Variants in IL1RAPL2 observed in about 807,000 individuals in gnomAD.
The protein encoded by IL1RAPL2 is X-linked interleukin-1 receptor accessory protein-like 2.
IL1RAPL2 carries 3 observed loss-of-function variants against 44.1 expected under a neutral mutation model. The ratio of observed to expected loss-of-function variants is 0.07; its 90% CI spans 0.03 to 0.18. The LOEUF (loss-of-function observed/expected upper bound fraction) is 0.18. Ranked by LOEUF, IL1RAPL2 falls within the 10% of genes least tolerant of loss-of-function variation. IL1RAPL2 has a pLI of 1.00. For missense variants in IL1RAPL2, 391 were observed against 496.4 expected (o/e 0.79, Z 2.02); for synonymous variants, 181 against 178.8 (o/e 1.01, Z -0.10).
chrX:105,101,126 C>A (rs1019648244), intron 2 of IL1RAPL2, among the ~76,000 whole-genome samples: 1 of 111,797 alleles, frequency 8.9e-6, no homozygotes, highest in East Asian at 2.8e-4. Context: ...GAACAACTCC[C>A]GATTCCTCTC....
At chrX:105,685,446 G>T (rs2037962874) in intron 6 of IL1RAPL2, among the ~76,000 whole-genome samples, 1 of 111,781 alleles carries the variant, frequency 8.9e-6, no homozygotes, top group African/African-American at 3.3e-5. Flanking sequence ...TAGAAGAAAG[G>T]TTATCAGTGA....
chrX:104,624,358 TA>T (rs780975467), intron 1 of IL1RAPL2, among the ~76,000 whole-genome samples: 1 of 110,696 alleles, frequency 9.0e-6, no homozygotes, highest in Non-Finnish European at 1.9e-5. Flanking sequence ...TACAAATCAT[TA>T]AAAAAAATCT....
chrX:105,001,121 C>T (rs1461925947), intron 2 of IL1RAPL2, among the ~76,000 whole-genome samples: 2 of 111,184 alleles, frequency 1.8e-5, no homozygotes, highest in East Asian at 2.9e-4. Context: ...TTTCGTTTAC[C>T]ACCACTTGCT....
chrX:105,598,077 T>C (rs899969848), intron 6 of IL1RAPL2, among the ~76,000 whole-genome samples: 2 of 111,004 alleles, frequency 1.8e-5, no homozygotes, highest in Non-Finnish European at 3.8e-5. Context: ...GGCAAATGGC[T>C]GAATAAAGAT....
At position 105,740,295 on chromosome X, in the gene IL1RAPL2, C is replaced by T. The variant is rs920379671; in HGVS notation, c.903-251C>T. ...AATAAAGAAAAAAAGAGAGAAGAAT[C>T]AAATAGACGCAATAATATTTCTTTT... On this transcript the variant is annotated intron_variant, in intron 7 of 10. Coordinates refer to ENST00000372582, the MANE Select transcript of IL1RAPL2 (RefSeq NM_017416.2). 6.3e-5 allele frequency among the ~76,000 whole-genome samples: 7 copies of T among 111,727 alleles called. No homozygotes were observed. The Admixed American group carries it at 6.7e-4, about 11-fold the overall frequency.
intron 2 of IL1RAPL2, among the ~76,000 whole-genome samples, chrX:104,718,511 A>T (rs776520638): frequency 9.0e-6 from 1 of 110,498 alleles, no homozygotes; most frequent in Non-Finnish European, 1.9e-5. Flanking sequence ...CATGATAGTG[A>T]GGGAGTTCTC....
intron 5 of IL1RAPL2, among the ~76,000 whole-genome samples, chrX:105,348,962 T>C (rs1465732947): frequency 8.9e-6 from 1 of 111,933 alleles, no homozygotes; most frequent in Non-Finnish European, 1.9e-5. Context: ...AGATTCAAGA[T>C]TTAAGACTGT....
intron 6 of IL1RAPL2, among the ~76,000 whole-genome samples, chrX:105,578,159 A>G (rs1457682344): frequency 9.2e-6 from 1 of 108,364 alleles, no homozygotes. Flanking sequence ...TGCATACTTT[A>G]TAATCATTTG....
intron 6 of IL1RAPL2, among the ~76,000 whole-genome samples, chrX:105,553,967 C>A (rs893398108): frequency 1.8e-5 from 2 of 112,999 alleles, no homozygotes; most frequent in African/African-American, 6.4e-5. Flanking sequence ...AGCCACCCAA[C>A]CAGGACCCCT....
At chrX:105,148,198 T>G (rs2033195727) in intron 2 of IL1RAPL2, among the ~76,000 whole-genome samples, 1 of 111,546 alleles carries the variant, frequency 9.0e-6, no homozygotes, top group East Asian at 2.8e-4. Flanking sequence ...GAAGCTATTT[T>G]TTTTTCTCCA....
intron 2 of IL1RAPL2, among the ~76,000 whole-genome samples, chrX:104,757,783 T>C (rs1932364445): frequency 8.9e-6 from 1 of 111,848 alleles, no homozygotes; most frequent in Non-Finnish European, 1.9e-5. Flanking sequence ...GAAAGCAGAA[T>C]AAAACAATAA....
intron 6 of IL1RAPL2, among the ~76,000 whole-genome samples, chrX:105,491,506 C>T (rs999868136): frequency 7.2e-5 from 8 of 111,841 alleles, no homozygotes; most frequent in African/African-American, 2.6e-4. Flanking sequence ...AATAACTGAA[C>T]ACTATGGAGA....
intron 2 of IL1RAPL2, among the ~76,000 whole-genome samples, chrX:104,669,506 G>A (rs1321897360): frequency 9.0e-6 from 1 of 111,073 alleles, no homozygotes; most frequent in Non-Finnish European, 1.9e-5. Flanking sequence ...TACTCCCTTG[G>A]TATTAACTAT....
At chrX:104,735,081 T>C (rs1229770277) in intron 2 of IL1RAPL2, among the ~76,000 whole-genome samples, 1 of 111,668 alleles carries the variant, frequency 9.0e-6, no homozygotes, top group African/African-American at 3.2e-5. Flanking sequence ...TTATATGTAG[T>C]AGCATGGAAA....
chrX:104,891,248 G>A (rs1486187910), intron 2 of IL1RAPL2, among the ~76,000 whole-genome samples: 1 of 111,714 alleles, frequency 9.0e-6, no homozygotes, highest in African/African-American at 3.3e-5. Flanking sequence ...CTCCAGCTTT[G>A]TTCTTTTGGC....
chrX:105,393,095 C>A (rs7056795), intron 5 of IL1RAPL2, among the ~76,000 whole-genome samples: 21,217 of 111,807 alleles, frequency 0.19, 4,800 homozygotes, highest in African/African-American at 0.65. Context: ...GCTGGCCACA[C>A]GGGAGAAGAA....
At chrX:105,293,107 G>A (rs1294219639) in intron 5 of IL1RAPL2, among the ~76,000 whole-genome samples, 1 of 46,423 alleles carries the variant, frequency 2.2e-5, no homozygotes, top group East Asian at 6.7e-4. Flanking sequence ...GACAGAGCAC[G>A]ACTCTGTCCA....
intron 5 of IL1RAPL2, among the ~76,000 whole-genome samples, chrX:105,291,251 G>A (rs1292664402): frequency 1.8e-5 from 2 of 111,698 alleles, no homozygotes; most frequent in African/African-American, 6.5e-5. Context: ...AATGACAAAA[G>A]TCTTTTGTAC....
At chrX:105,330,350 C>T (rs1286384382) in intron 5 of IL1RAPL2, among the ~76,000 whole-genome samples, 1 of 110,766 alleles carries the variant, frequency 9.0e-6, no homozygotes, top group Non-Finnish European at 1.9e-5. Context: ...CTACCCTCCT[C>T]GTATACCAAC....
Sources: allele counts gnomAD v4.1 joint callset (sites outside exome capture counted in the v4.1 genomes callset), GRCh38; gene constraint gnomAD v4.1.1; transcripts MANE v1.5; gene names NCBI Gene and HGNC (gene_info 2026-07-23, HGNC 2026-07-21).